Variants in TP53INP1 observed in about 807,000 individuals in gnomAD.
TP53INP1 encodes the protein tumor protein p53 inducible nuclear protein 1.
TP53INP1 carries 12 observed loss-of-function variants against 21.0 expected under a neutral mutation model. The ratio of observed to expected loss-of-function variants is 0.57; its 90% CI spans 0.37 to 0.93. The LOEUF (loss-of-function observed/expected upper bound fraction) is 0.93, where lower values mean the gene tolerates loss of function less well. Among genes scored for constraint, TP53INP1 ranks in the 40% least tolerant of loss-of-function variants. The pLI is 0.01. For missense variants in TP53INP1, 274 were observed against 294.7 expected (o/e 0.93, Z 0.51); for synonymous variants, 91 against 94.8 (o/e 0.96, Z 0.23).
rs1443640130 is a variant in TP53INP1, at chr8:94,930,577, G to C, written c.625C>G (p.Leu209Val). 6.2e-7 allele frequency: 1 copy of C among 1,614,212 alleles called. No homozygotes were observed. Among genetic ancestry groups the C allele is most frequent in the Non-Finnish European group, 8.5e-7 (1 of 1,180,046 alleles). ...SERQPLNRNS[L>V]RRQNLTRDCH... is the part of the protein sequence containing the mutation. Reference sequence around the variant, plus strand: ...TCCCTGGTAAGATTTTGGCGACGAAGGCTATTTCTGTTAAGAGGCTGTCTT... The same window carrying C: ...TCCCTGGTAAGATTTTGGCGACGAACGCTATTTCTGTTAAGAGGCTGTCTT... Residue 209 changes from leucine (L) to valine (V), a missense_variant, in exon 4 of 4, where the codon CTT becomes GTT. By Grantham distance (32) the Leu-to-Val change is conservative. Coordinates refer to ENST00000342697, the MANE Select transcript of TP53INP1 (RefSeq NM_033285.4).
rs151249970 is a variant in TP53INP1, at chr8:94,935,089, CGGTA to C, written c.474-4365_474-4362del. Among the ~76,000 whole-genome samples, 1,491 of 149,914 alleles carry C rather than the reference CGGTA, an allele frequency of 9.9e-3. 13 individuals carry two copies. Among genetic ancestry groups the C allele is most frequent in the Middle Eastern group, 0.021 (6 of 292 alleles). On this transcript the variant is annotated intron_variant, in intron 3 of 3. Coordinates refer to ENST00000342697, the MANE Select transcript of TP53INP1 (RefSeq NM_033285.4). ...TTGTTTATATCTGGAAAACAGGAAACGGTAGGTAGGTAGGTAGGTAGGTACATAG... is the reference window on the plus strand; with the variant it reads ...TTGTTTATATCTGGAAAACAGGAAACGGTAGGTAGGTAGGTAGGTACATAG...
Position 94,929,003 on chromosome 8 carries a change from T to G in TP53INP1, c.*1476A>C, listed in dbSNP as rs945855531. 2.0e-5 allele frequency: 3 copies of G among 152,448 alleles called. No homozygotes were observed. The highest frequency in any genetic ancestry group is 7.3e-5 in the African/African-American group (3 of 41,370). 9.4% of individuals were successfully genotyped at this position (152,448 alleles called of 1,614,324 possible). Reference sequence around the variant, plus strand: ...TTACTTCAGAGGAAATCAGTCAGAGTGGATGGCTCAGCAAAACCCATCACA... The same window carrying G: ...TTACTTCAGAGGAAATCAGTCAGAGGGGATGGCTCAGCAAAACCCATCACA... On this transcript the variant is annotated 3_prime_UTR_variant, in exon 4 of 4. Transcript: ENST00000342697.
rs968339079 is a variant in TP53INP1 at position 94,927,591 on chromosome 8, C to T, written c.*2888G>A. The stretch of plus-strand genomic sequence containing the variant: ...CCAATCAACCATATAAATGCATTGC[C>T]ACAGAAGATAAATAATGGATGGCTA... On this transcript the variant is annotated 3_prime_UTR_variant, in exon 4 of 4. Coordinates refer to ENST00000342697, the MANE Select transcript of TP53INP1 (RefSeq NM_033285.4). 3 of 152,210 alleles carry T rather than the reference C, an allele frequency of 2.0e-5. No individual in the cohort carries two copies. Among genetic ancestry groups the T allele is most frequent in the Non-Finnish European group, 1.5e-5 (1 of 67,988 alleles). 9.4% of individuals were successfully genotyped at this position (152,210 alleles called of 1,614,324 possible).
In TP53INP1 at chr8:94,926,997, T is replaced by G. The variant is rs550825572; in HGVS notation, c.*3482A>C. 1 of 152,352 alleles carries G rather than the reference T, an allele frequency of 6.6e-6. No individual in the cohort carries two copies. Among genetic ancestry groups the G allele is most frequent in the African/African-American group, 2.4e-5 (1 of 41,592 alleles). 9.4% of individuals were successfully genotyped at this position (152,352 alleles called of 1,614,324 possible). On this transcript the variant is annotated 3_prime_UTR_variant, in exon 4 of 4. Coordinates refer to ENST00000342697, the MANE Select transcript of TP53INP1 (RefSeq NM_033285.4). ...CACTTTTAACAGAGTTTAACCAGTA[T>G]TTATGGGCCTTATAAAATAAAAAGA... is the stretch of plus-strand genomic sequence containing the variant.
At chr8:94,937,403 T>C (rs1260195226) in intron 3 of TP53INP1, among the ~76,000 whole-genome samples, 3 of 147,940 alleles carry the variant, frequency 2.0e-5, no homozygotes, top group Non-Finnish European at 3.0e-5. Context: ...ATCCTGCCAC[T>C]GCACTCCAGC....
intron 3 of TP53INP1, among the ~76,000 whole-genome samples, chr8:94,939,310 C>T (rs899969326): frequency 1.6e-4 from 24 of 152,156 alleles, no homozygotes; most frequent in African/African-American, 5.1e-4. Flanking sequence ...AGTCTTATTT[C>T]TAATCAGTAG....
At chr8:94,946,562 T>C (rs963571706) in intron 1 of TP53INP1, among the ~76,000 whole-genome samples, 1 of 150,978 alleles carries the variant, frequency 6.6e-6, no homozygotes, top group Non-Finnish European at 1.5e-5. Context: ...CTGGGTGTGG[T>C]GGTATGTGCA....
intron 1 of TP53INP1, among the ~76,000 whole-genome samples, chr8:94,947,764 A>G (rs1822148899): frequency 6.6e-6 from 1 of 152,260 alleles, no homozygotes; most frequent in African/African-American, 2.4e-5. Flanking sequence ...TTGAAAGCAG[A>G]CATCAGAGGA....
chr8:94,934,621 C>G (rs535835568), intron 3 of TP53INP1, among the ~76,000 whole-genome samples: 1 of 152,122 alleles, frequency 6.6e-6, no homozygotes, highest in African/African-American at 2.4e-5. Context: ...ACCTCGTGAT[C>G]CACCCACCCC....
chr8:94,938,472 G>T (rs766131978), intron 3 of TP53INP1, among the ~76,000 whole-genome samples: 2 of 152,234 alleles, frequency 1.3e-5, no homozygotes, highest in Non-Finnish European at 2.9e-5. Context: ...TTGACTGGTG[G>T]TTGGCAGCAA....
chr8:94,931,010 C>T (rs1026265240), intron 3 of TP53INP1, among the ~76,000 whole-genome samples: 23 of 152,168 alleles, frequency 1.5e-4, no homozygotes, highest in African/African-American at 5.3e-4. Flanking sequence ...ATTTCATTTA[C>T]GGAGCACACA....
intron 3 of TP53INP1, among the ~76,000 whole-genome samples, chr8:94,935,706 T>C (rs1041836488): frequency 6.6e-6 from 1 of 152,198 alleles, no homozygotes; most frequent in Non-Finnish European, 1.5e-5. Context: ...TCAAGATCTA[T>C]TGGTAAAGCC....
intron 3 of TP53INP1, among the ~76,000 whole-genome samples, chr8:94,931,187 A>C (rs1214131317): frequency 3.9e-5 from 6 of 152,208 alleles, no homozygotes; most frequent in Admixed American, 3.9e-4. Context: ...ATACCTTCAC[A>C]AGACATTTCC....
intron 3 of TP53INP1, among the ~76,000 whole-genome samples, chr8:94,934,161 C>CAGT (rs1415939134): frequency 6.9e-6 from 1 of 144,640 alleles, no homozygotes; most frequent in Non-Finnish European, 1.5e-5. Context: ...AAAAAAAAAA[C>CAGT]ACAATCTGGA....
chr8:94,937,503 C>T (rs1821101850), intron 3 of TP53INP1, among the ~76,000 whole-genome samples: 1 of 151,854 alleles, frequency 6.6e-6, no homozygotes, highest in African/African-American at 2.4e-5. Flanking sequence ...TGGCTGTCCC[C>T]ACAAGATTTT....
intron 3 of TP53INP1, among the ~76,000 whole-genome samples, chr8:94,935,798 C>T (rs189312025): frequency 6.6e-6 from 1 of 152,294 alleles, no homozygotes; most frequent in Admixed American, 6.5e-5. Flanking sequence ...TTTAAGTGAG[C>T]TTTACGTAAA....
rs563445319 is a variant in TP53INP1, at chr8:94,940,180, CTCTTCT to C, written c.147_152del (p.Glu51_Glu52del). On this transcript the variant is annotated inframe_deletion, in exon 3 of 4. Coordinates refer to ENST00000342697, the MANE Select transcript of TP53INP1 (RefSeq NM_033285.4). ...TAGGTGACTCTTCACTGATGTCCTC[CTCTTCT>C]TCTTCTTCTTCTGCTGAGAAACCAG... 1.6e-5 allele frequency: 25 copies of C among 1,609,180 alleles called. 1 individual carries two copies. In the Middle Eastern group the frequency reaches 8.2e-4, roughly 53 times the overall value.
chr8:94,940,759 T>A, intron 2 of TP53INP1, 71 bp downstream of exon 2: 1 of 1,176,116 alleles, frequency 8.5e-7, no homozygotes, highest in Non-Finnish European at 1.2e-6. Context: ...GGTTTCCTTA[T>A]GCAAAAACTG....
At chr8:94,948,241 CCTTTT>C (rs1455098797) in intron 1 of TP53INP1, among the ~76,000 whole-genome samples, 5 of 152,300 alleles carry the variant, frequency 3.3e-5, no homozygotes, top group African/African-American at 1.2e-4. Context: ...AACACCATTT[CCTTTT>C]ATTAATTGGC....
Sources: gnomAD v4.1 joint callset for allele counts (sites outside exome capture counted in the v4.1 genomes callset) on GRCh38, gnomAD v4.1.1 for gene constraint, MANE v1.5 for transcripts, NCBI Gene and HGNC (gene_info 2026-07-23, HGNC 2026-07-21) for gene names.